The following FRMPD3 variants were observed in gnomAD, a reference collection of about 807,000 sequenced individuals.
FRMPD3 encodes FERM and PDZ domain-containing protein 3.
Under a neutral mutation model 97.9 loss-of-function variants are expected in FRMPD3, and 42 were observed. The ratio of observed to expected loss-of-function variants is 0.43; its 90% CI spans 0.34 to 0.55. The LOEUF is 0.55. Among genes scored for constraint, FRMPD3 ranks in the 20% least tolerant of loss-of-function variants. The pLI, the probability that FRMPD3 is intolerant of heterozygous loss-of-function variation, is 0.03. For synonymous variants in FRMPD3, 577 were observed against 581.1 expected (o/e 0.99, Z 0.10); for missense variants, 1,303 against 1,457.7 (o/e 0.89, Z 1.73).
chrX:107,472,532 A>G (rs943427953), intron 1 of FRMPD3, among the ~76,000 whole-genome samples: 6 of 111,561 alleles, frequency 5.4e-5, no homozygotes, highest in Middle Eastern at 4.2e-3. Context: ...AAAAAAAAAA[A>G]AAGAAAACCA....
rs1254645119 is a variant in FRMPD3 at position 107,604,880 on chromosome X, T to C, written c.*1507T>C. The C allele has an allele frequency of 9.0e-6, 1 of 110,600 alleles. No homozygotes were observed. The highest frequency in any genetic ancestry group is 1.9e-5 in the Non-Finnish European group (1 of 52,890). The allele number at this position is 110,600 out of a possible 1,213,427, so 9.1% of individuals were successfully genotyped here. On this transcript the variant is annotated 3_prime_UTR_variant, in exon 15 of 15. Coordinates refer to ENST00000683843, the MANE Select transcript of FRMPD3 (RefSeq NM_001388459.1). ...AGTGCAATAAAGTCTCCCTGAGTGGTGAGTTCTCCCGGCAAGGAGGAGGGG... is the reference window on the plus strand; with the variant it reads ...AGTGCAATAAAGTCTCCCTGAGTGGCGAGTTCTCCCGGCAAGGAGGAGGGG...
At chrX:107,483,287 A>G (rs1921421465) in intron 1 of FRMPD3, among the ~76,000 whole-genome samples, 1 of 112,435 alleles carries the variant, frequency 8.9e-6, no homozygotes, top group African/African-American at 3.2e-5. Context: ...TTCATCTGAT[A>G]AAGCTATAGT....
At chrX:107,598,921 C>T (rs1924342993) in intron 14 of FRMPD3, among the ~76,000 whole-genome samples, 1 of 111,878 alleles carries the variant, frequency 8.9e-6, no homozygotes, top group South Asian at 3.8e-4. Flanking sequence ...TAGACAAACA[C>T]ATGTCAGACA....
In FRMPD3 at chrX:107,601,962, G is replaced by C. The variant is rs760995593; in HGVS notation, c.3923G>C (p.Gly1308Ala). ...SCDCKRICRG[G>A]RPQATQTPVP... ...GACTGCAAGCGCATCTGCCGGGGGG[G>C]CCGGCCACAAGCCACCCAGACACCA... Residue 1308 changes from glycine (G) to alanine (A), a missense_variant, in exon 15 of 15, where the codon GGC (glycine) becomes GCC (alanine). Physicochemically the swap from Gly to Ala is moderately conservative, Grantham distance 60 (BLOSUM62 0). Coordinates refer to ENST00000683843, the MANE Select transcript of FRMPD3 (RefSeq NM_001388459.1). The C allele has an allele frequency of 2.6e-6, 3 of 1,172,474 alleles. No homozygotes were observed. In the South Asian group the frequency reaches 5.9e-5, roughly 23 times the overall value.
chrX:107,577,350 G>T (rs902142009), intron 13 of FRMPD3, among the ~76,000 whole-genome samples: 9 of 107,211 alleles, frequency 8.4e-5, no homozygotes, highest in African/African-American at 3.1e-4. Flanking sequence ...TGGACGTGGT[G>T]GTGTGGACCT....
chrX:107,527,267 A>G (rs190176315), intron 2 of FRMPD3, among the ~76,000 whole-genome samples: 1 of 112,445 alleles, frequency 8.9e-6, no homozygotes, highest in Non-Finnish European at 1.9e-5. Context: ...GAATCTCTGA[A>G]TGCTTGAGTG....
At chrX:107,596,826 C>T (rs1330751926) in intron 13 of FRMPD3, among the ~76,000 whole-genome samples, 1 of 112,103 alleles carries the variant, frequency 8.9e-6, no homozygotes, top group Non-Finnish European at 1.9e-5. Context: ...CAGGTTCTGA[C>T]TAAAGCATTA....
chrX:107,603,227 C>A lies in FRMPD3; in HGVS notation c.5188C>A (p.Gln1730Lys). Reference sequence around the variant, plus strand: ...ACAACAACAGCAGCAGCAGCAACAACAACAGCAGCAGCAACAACAACAGCA... The same window carrying A: ...ACAACAACAGCAGCAGCAGCAACAAAAACAGCAGCAGCAACAACAACAGCA... ...QQQQQQQQQQ[Q>K]QQQQQQQQQQ... The change falls in exon 15 of 15, where the codon CAA becomes AAA. Residue 1730 changes from glutamine to lysine, a missense_variant. By Grantham distance (53) the Gln-to-Lys change is moderately conservative. Coordinates refer to ENST00000683843, the MANE Select transcript of FRMPD3 (RefSeq NM_001388459.1). The A allele has an allele frequency of 2.6e-6, 3 of 1,153,788 alleles. No homozygotes were observed. Among genetic ancestry groups the A allele is most frequent in the Non-Finnish European group, 3.5e-6 (3 of 867,967 alleles).
At position 107,560,283 on chromosome X, in the gene FRMPD3, C is replaced by A. The variant is rs961700628; in HGVS notation, c.789C>A (p.Arg263=). The A allele has an allele frequency of 8.3e-7, 1 of 1,209,218 alleles. No homozygotes were observed. The highest frequency in any genetic ancestry group is 1.1e-6 in the Non-Finnish European group (1 of 894,981). ...GTCGGAATGATGTTATTCGAGAACGCTTTGGAATGGATCCCAAGCCAGAGA... is the reference window on the plus strand; with the variant it reads ...GTCGGAATGATGTTATTCGAGAACGATTTGGAATGGATCCCAAGCCAGAGA... The part of the protein sequence containing the change: ...IQSRNDVIRE[R]FGMDPKPEML... The change falls in exon 9 of 15, where the codon CGC becomes CGA. Residue 263 remains arginine, a synonymous_variant. Coordinates refer to ENST00000683843, the MANE Select transcript of FRMPD3 (RefSeq NM_001388459.1).
intron 3 of FRMPD3, among the ~76,000 whole-genome samples, chrX:107,532,817 T>C (rs754636030): frequency 8.9e-6 from 1 of 112,871 alleles, no homozygotes; most frequent in East Asian, 2.8e-4. Context: ...ACTATTTCCA[T>C]TTCTTTTAGT....
chrX:107,453,675 C>A (rs1362630702), intron 1 of FRMPD3, among the ~76,000 whole-genome samples: 1 of 111,861 alleles, frequency 8.9e-6, no homozygotes, highest in Non-Finnish European at 1.9e-5. Flanking sequence ...GGGTAGGGAG[C>A]AAATCCAGAG....
At chrX:107,512,282 A>T (rs899205417) in intron 1 of FRMPD3, among the ~76,000 whole-genome samples, 1 of 111,165 alleles carries the variant, frequency 9.0e-6, no homozygotes, top group Non-Finnish European at 1.9e-5. Flanking sequence ...CTACCAGAAG[A>T]CTGTCATTAC....
intron 1 of FRMPD3, among the ~76,000 whole-genome samples, chrX:107,476,167 G>C (rs1313278901): frequency 1.8e-5 from 2 of 112,421 alleles, no homozygotes; most frequent in African/African-American, 6.5e-5. Context: ...TTACAGGCGT[G>C]AGCCACCACG....
At chrX:107,452,437 A>C (rs7884005) in intron 1 of FRMPD3, among the ~76,000 whole-genome samples, 13,488 of 111,765 alleles carry the variant, frequency 0.12, 2,014 homozygotes, top group African/African-American at 0.42. Flanking sequence ...CTGGCACCCA[A>C]CACCACAACC....
intron 1 of FRMPD3, among the ~76,000 whole-genome samples, chrX:107,482,554 G>A (rs915500598): frequency 2.7e-5 from 3 of 111,516 alleles, no homozygotes; most frequent in African/African-American, 9.8e-5. Context: ...TGCTGGAGGG[G>A]AGGACTAAGG....
chrX:107,465,741 G>A (rs1003172699), intron 1 of FRMPD3, among the ~76,000 whole-genome samples: 1 of 110,946 alleles, frequency 9.0e-6, no homozygotes, highest in Non-Finnish European at 1.9e-5. Flanking sequence ...TAACTGTAAG[G>A]GTGCCTGACT....
At chrX:107,466,675 G>A (rs1006353381) in intron 1 of FRMPD3, among the ~76,000 whole-genome samples, 1 of 112,268 alleles carries the variant, frequency 8.9e-6, no homozygotes, top group African/African-American at 3.2e-5. Flanking sequence ...GAAAGGCAAG[G>A]AAAATCACAT....
At chrX:107,546,451 C>T (rs182347240) in intron 5 of FRMPD3, among the ~76,000 whole-genome samples, 190 of 112,075 alleles carry the variant, frequency 1.7e-3, no homozygotes, top group Non-Finnish European at 2.1e-3. Context: ...TGAGACAATA[C>T]AAAATCTACT....
At chrX:107,599,279 A>G (rs1313278950) in intron 14 of FRMPD3, among the ~76,000 whole-genome samples, 1 of 110,802 alleles carries the variant, frequency 9.0e-6, no homozygotes. Context: ...AAAAAAAAAA[A>G]GAAGAAAAAA....
Sources: gnomAD v4.1 joint callset for allele counts (sites outside exome capture counted in the v4.1 genomes callset) on GRCh38, gnomAD v4.1.1 for gene constraint, MANE v1.5 for transcripts, NCBI Gene and HGNC (gene_info 2026-07-23, HGNC 2026-07-21) for gene names.